Variants in BAIAP2L1 observed in about 807,000 individuals in gnomAD.
BAIAP2L1 encodes the protein BAR/IMD domain containing adaptor protein 2 like 1.
A neutral mutation model predicts 66.3 loss-of-function variants in BAIAP2L1; 35 were observed. The ratio of observed to expected loss-of-function variants is 0.53; its 90% CI spans 0.40 to 0.70. BAIAP2L1 has a LOEUF of 0.70. Ranked by LOEUF, BAIAP2L1 falls within the 30% of genes least tolerant of loss-of-function variation. BAIAP2L1 has a pLI of 0.00. For missense variants in BAIAP2L1, 622 were observed against 656.9 expected (o/e 0.95, Z 0.58); for synonymous variants, 269 against 248.7 (o/e 1.08, Z -0.77).
chr7:98,339,376 C>A (rs1245504003), intron 3 of BAIAP2L1, among the ~76,000 whole-genome samples: 1 of 152,182 alleles, frequency 6.6e-6, no homozygotes, highest in Admixed American at 6.5e-5. Context: ...TGATGTTGCG[C>A]ATCTTTTCAT....
At chr7:98,297,557 CCTCA>C (rs930741637) in intron 12 of BAIAP2L1, among the ~76,000 whole-genome samples, 2 of 152,194 alleles carry the variant, frequency 1.3e-5, no homozygotes, top group African/African-American at 4.8e-5. Context: ...CAAAAGTGGC[CCTCA>C]CTGACACCTG....
rs1450371876 is a variant in BAIAP2L1 at position 98,306,517 on chromosome 7, C to CT, written c.1164-2dup. ...GTACGACGACGGGAACCAACCCCTC[C>CT]TACCGGCAAAGAGGGAGAAAAGACC... On this transcript the variant is annotated splice_acceptor_variant, in intron 10 of 13. Coordinates refer to ENST00000005260, the MANE Select transcript of BAIAP2L1 (RefSeq NM_018842.5). LOFTEE classifies it high-confidence loss of function. 1 of 1,614,150 alleles carries CT rather than the reference C, an allele frequency of 6.2e-7. No individual in the cohort carries two copies. Among genetic ancestry groups the CT allele is most frequent in the East Asian group, 2.2e-5 (1 of 44,870 alleles).
chr7:98,295,948 A>G (rs1405901185), intron 12 of BAIAP2L1, among the ~76,000 whole-genome samples: 1 of 152,198 alleles, frequency 6.6e-6, no homozygotes, highest in Non-Finnish European at 1.5e-5. Flanking sequence ...CCGTGCACGC[A>G]TGCCTGGGGC....
chr7:98,400,958 G>T lies in BAIAP2L1; in HGVS notation c.-106C>A. 1 of 1,063,790 alleles carries T rather than the reference G, an allele frequency of 9.4e-7. No individual in the cohort carries two copies. Among genetic ancestry groups the T allele is most frequent in the South Asian group, 2.7e-5 (1 of 36,678 alleles). 65.9% of individuals were successfully genotyped at this position (1,063,790 alleles called of 1,614,324 possible). ...GGGGCGCGACTAAGGGGCTCTGGAG[G>T]GTCGGCCGCCGCCGCAGCCGTCGGC... On this transcript the variant is annotated 5_prime_UTR_variant, in exon 1 of 14. Transcript: ENST00000005260.
intron 1 of BAIAP2L1, among the ~76,000 whole-genome samples, chr7:98,385,329 C>G (rs1044700768): frequency 2.6e-5 from 4 of 151,996 alleles, no homozygotes; most frequent in Non-Finnish European, 5.9e-5. Context: ...AAATTGCGGC[C>G]TTTGCGATCT....
chr7:98,400,767 C>T lies in BAIAP2L1; in HGVS notation c.51+35G>A, dbSNP rs1415094296. On this transcript the variant is annotated intron_variant, in intron 1 of 13. Coordinates refer to ENST00000005260, the MANE Select transcript of BAIAP2L1 (RefSeq NM_018842.5). ...CCCTTCTGAACCCCGAGGTGGAAAGCCCTGACCTCCCTGAGCCCCGGGCCC... is the reference window on the plus strand; with the variant it reads ...CCCTTCTGAACCCCGAGGTGGAAAGTCCTGACCTCCCTGAGCCCCGGGCCC... The T allele has an allele frequency of 1.9e-6, 3 of 1,548,132 alleles. No homozygotes were observed. In the African/African-American group the frequency reaches 4.1e-5, roughly 21 times the overall value.
In BAIAP2L1 at chr7:98,320,282, C is replaced by A; in HGVS notation, c.231G>T (p.Glu77Asp). ...TGAGTTTCTTGTGGGTACTTGAAAT[C>A]TCTATGAGGACATGTCCTGGGAACA... ...VSTELGHVLIEISSTHKKLNE... is the reference protein window; with the variant it reads ...VSTELGHVLIDISSTHKKLNE... Residue 77 changes from glutamate to aspartate, a missense_variant, in exon 4 of 14, where the codon GAG (glutamate) becomes GAT (aspartate). Physicochemically the swap from Glu to Asp is conservative, Grantham distance 45. Transcript: ENST00000005260. The A allele has an allele frequency of 1.2e-6, 2 of 1,607,940 alleles. No homozygotes were observed. Among genetic ancestry groups the A allele is most frequent in the Non-Finnish European group, 1.7e-6 (2 of 1,176,072 alleles).
chr7:98,350,969 G>A (rs1324575988), intron 3 of BAIAP2L1, among the ~76,000 whole-genome samples: 1 of 152,124 alleles, frequency 6.6e-6, no homozygotes, highest in Non-Finnish European at 1.5e-5. Flanking sequence ...TGATTCTCCT[G>A]TATCAGCCTC....
intron 3 of BAIAP2L1, among the ~76,000 whole-genome samples, chr7:98,339,790 G>A (rs976721396): frequency 1.7e-4 from 26 of 152,334 alleles, no homozygotes; most frequent in African/African-American, 6.3e-4. Flanking sequence ...TTCACTGCAG[G>A]CCCAGCATGG....
chr7:98,400,676 G>C (rs930670083), intron 1 of BAIAP2L1, 126 bp downstream of exon 1: 11 of 1,113,444 alleles, frequency 9.9e-6, no homozygotes, highest in African/African-American at 6.3e-5. Flanking sequence ...GGGAGAGACC[G>C]GGAGAGGTGG....
At chr7:98,327,126 C>T (rs1324145366) in intron 3 of BAIAP2L1, among the ~76,000 whole-genome samples, 1 of 152,068 alleles carries the variant, frequency 6.6e-6, no homozygotes, top group Admixed American at 6.6e-5. Flanking sequence ...TCTGGGAGGC[C>T]AAGGCAGATG....
chr7:98,379,552 A>G (rs1322819299), intron 1 of BAIAP2L1, among the ~76,000 whole-genome samples: 1 of 152,188 alleles, frequency 6.6e-6, no homozygotes. Flanking sequence ...TGCAAATACC[A>G]GGGCTGTCTG....
At chr7:98,339,105 G>A (rs111840739) in intron 3 of BAIAP2L1, among the ~76,000 whole-genome samples, 4 of 151,852 alleles carry the variant, frequency 2.6e-5, no homozygotes, top group African/African-American at 9.7e-5. Context: ...CTTTGTGTGG[G>A]CATATGTTTC....
intron 1 of BAIAP2L1, among the ~76,000 whole-genome samples, chr7:98,388,096 C>T (rs1215789446): frequency 1.3e-5 from 2 of 152,204 alleles, no homozygotes; most frequent in East Asian, 1.9e-4. Context: ...GTCTAGTAAA[C>T]ACACGCTATG....
Position 98,304,316 on chromosome 7 carries a change from G to T in BAIAP2L1, c.1302C>A (p.Ile434=). The T allele has an allele frequency of 6.2e-7, 1 of 1,613,472 alleles. No individual in the cohort carries two copies. Among genetic ancestry groups the T allele is most frequent in the Admixed American group, 1.7e-5 (1 of 59,896 alleles). ...VNLSENSSVV[I]PPPDYLECLS... is the part of the protein sequence containing the mutation. ...AGCATTCCAAGTAGTCGGGTGGGGG[G>T]ATGACAACACTGCTATTCTCAGACA... Residue 434 remains isoleucine, a synonymous_variant, in exon 12 of 14, where the codon ATC becomes ATA. Coordinates refer to ENST00000005260, the MANE Select transcript of BAIAP2L1 (RefSeq NM_018842.5).
chr7:98,336,742 A>G (rs900419925), intron 3 of BAIAP2L1, among the ~76,000 whole-genome samples: 12 of 152,258 alleles, frequency 7.9e-5, no homozygotes, highest in African/African-American at 2.9e-4. Context: ...GTCGCCCTTA[A>G]GAAAGAGAAT....
intron 1 of BAIAP2L1, among the ~76,000 whole-genome samples, chr7:98,363,024 TTTC>T (rs1802308042): frequency 3.8e-5 from 4 of 106,220 alleles, no homozygotes; most frequent in African/African-American, 1.2e-4. Flanking sequence ...CCTGGCATTT[TTTC>T]TTTTTTTTTT....
intron 1 of BAIAP2L1, among the ~76,000 whole-genome samples, chr7:98,397,618 C>T (rs558908380): frequency 2.0e-4 from 31 of 152,208 alleles, no homozygotes; most frequent in South Asian, 6.2e-4. Context: ...TGAGCCACCG[C>T]GCCGGGCCCT....
At chr7:98,337,531 A>G (rs536350804) in intron 3 of BAIAP2L1, among the ~76,000 whole-genome samples, 1 of 152,248 alleles carries the variant, frequency 6.6e-6, no homozygotes, top group Non-Finnish European at 1.5e-5. Flanking sequence ...TAAGGCAGCA[A>G]TCAGATGTTA....
Sources: gnomAD v4.1 joint callset for allele counts (sites outside exome capture counted in the v4.1 genomes callset) on GRCh38, gnomAD v4.1.1 for gene constraint, MANE v1.5 for transcripts, NCBI Gene and HGNC (gene_info 2026-07-23, HGNC 2026-07-21) for gene names.